Variants in CDH23 observed in about 807,000 individuals in gnomAD.
The protein encoded by CDH23 is cadherin-23.
Under a neutral mutation model 317.1 loss-of-function variants are expected in CDH23, and 189 were observed. The ratio of observed to expected loss-of-function variants is 0.60; its 90% CI spans 0.53 to 0.67. CDH23 has a LOEUF of 0.67. CDH23 is among the 30% of genes least tolerant of loss of function. CDH23 has a pLI of 0.00. For synonymous variants in CDH23, 1,839 were observed against 1,876.8 expected (o/e 0.98, Z 0.52); for missense variants, 4,401 against 4,592.4 (o/e 0.96, Z 1.20).
chr10:71,777,936 G>A (rs146680399), intron 39 of CDH23, 35 bp downstream of exon 39: 127 of 1,607,238 alleles, frequency 7.9e-5, no homozygotes, highest in East Asian at 1.8e-4. Context: ...GACAAGGGGC[G>A]AAACCTATCC....
chr10:71,402,868 G>A (rs1055617815), intron 1 of CDH23, among the ~76,000 whole-genome samples: 2 of 152,128 alleles, frequency 1.3e-5, no homozygotes, highest in African/African-American at 4.8e-5. Context: ...TGTAATCCCA[G>A]CACTTTGGGA....
At chr10:71,814,329 C>A (rs914356623) in intron 69 of CDH23, among the ~76,000 whole-genome samples, 2 of 152,256 alleles carry the variant, frequency 1.3e-5, no homozygotes, top group Admixed American at 6.5e-5. Context: ...ATGGGAGGAT[C>A]ACTTGAGCCC....
chr10:71,644,127 C>T (rs1256093914), intron 12 of CDH23, among the ~76,000 whole-genome samples: 1 of 152,276 alleles, frequency 6.6e-6, no homozygotes, highest in Admixed American at 6.5e-5. Context: ...ACGCATTCCA[C>T]ACCAGGGAGC....
At position 71,784,922 on chromosome 10, in the gene CDH23, A is replaced by G. The variant is rs1275390489; in HGVS notation, c.5534A>G (p.Asn1845Ser). Residue 1845 changes from asparagine to serine, a missense_variant, in exon 43 of 70, where the codon AAC becomes AGC. By Grantham distance (46) the Asn-to-Ser change is conservative (BLOSUM62 1). Transcript: ENST00000224721. ...MLVGIRVLDINDNDPVLLNLP... is the reference protein window; with the variant it reads ...MLVGIRVLDISDNDPVLLNLP... ...GTGGGGATCCGGGTGCTGGACATCA[A>G]CGACAACGACCCTGTGCTGCTGAAC... 6 of 1,613,834 alleles carry G rather than the reference A, an allele frequency of 3.7e-6. No homozygotes were observed. The highest frequency in any genetic ancestry group is 2.2e-5 in the East Asian group (1 of 44,880).
At chr10:71,497,548 C>T (rs374085656) in intron 3 of CDH23, among the ~76,000 whole-genome samples, 2 of 152,196 alleles carry the variant, frequency 1.3e-5, no homozygotes, top group Non-Finnish European at 2.9e-5. Flanking sequence ...GCTGCTGGCT[C>T]TGCGGTAGCT....
chr10:71,463,014 C>T (rs1212107612), intron 3 of CDH23, among the ~76,000 whole-genome samples: 1 of 152,222 alleles, frequency 6.6e-6, no homozygotes, highest in South Asian at 2.1e-4. Flanking sequence ...GCTGCATTTC[C>T]CCCGTCTAAA....
intron 1 of CDH23, among the ~76,000 whole-genome samples, chr10:71,436,834 G>A (rs540266556): frequency 1.7e-4 from 26 of 152,180 alleles, no homozygotes; most frequent in Non-Finnish European, 2.2e-4. Context: ...ATGGCAGAGG[G>A]CTGGAGTTTT....
At chr10:71,475,574 G>A (rs1851749462) in intron 3 of CDH23, among the ~76,000 whole-genome samples, 1 of 152,238 alleles carries the variant, frequency 6.6e-6, no homozygotes, top group African/African-American at 2.4e-5. Flanking sequence ...ATTAATGCCC[G>A]GTTCCCAAGG....
At chr10:71,806,416 G>A (rs992310262) in intron 57 of CDH23, 135 bp downstream of exon 57, 3 of 664,576 alleles carry the variant, frequency 4.5e-6, no homozygotes, top group African/African-American at 1.8e-5. Context: ...TGCACTTCAT[G>A]CAAGAACAAC....
intron 28 of CDH23, chr10:71,713,533 G>A (rs1037756402): frequency 1.4e-5 from 7 of 508,102 alleles, no homozygotes; most frequent in Admixed American, 1.1e-4. Context: ...TCCCTGCATC[G>A]GGACCAGGAG....
chr10:71,803,813 TGCA>T (rs1841629056), intron 55 of CDH23, among the ~76,000 whole-genome samples: 1 of 22,654 alleles, frequency 4.4e-5, no homozygotes, highest in Admixed American at 5.4e-4. Context: ...CTACTAAAAA[TGCA>T]AAAAAAAAAA....
intron 1 of CDH23, among the ~76,000 whole-genome samples, chr10:71,428,142 T>TCTTTC (rs55670161): frequency 6.5e-5 from 9 of 139,284 alleles, no homozygotes; most frequent in East Asian, 4.3e-4. Flanking sequence ...TTTCTTTCTT[T>TCTTTC]TTTTTTTTTT....
At chr10:71,410,553 A>G (rs1171555797) in intron 1 of CDH23, among the ~76,000 whole-genome samples, 1 of 152,224 alleles carries the variant, frequency 6.6e-6, no homozygotes, top group Non-Finnish European at 1.5e-5. Flanking sequence ...TACATGCAGA[A>G]AAGTGTGCAA....
intron 11 of CDH23, among the ~76,000 whole-genome samples, chr10:71,624,997 G>T (rs1861645801): frequency 6.6e-6 from 1 of 152,076 alleles, no homozygotes; most frequent in Admixed American, 6.6e-5. Flanking sequence ...GAGAAGATGA[G>T]CTTGAGTGAC....
Position 71,397,357 on chromosome 10 carries a change from C to T in CDH23, c.-6+39C>T, listed in dbSNP as rs1388524754. On this transcript the variant is annotated intron_variant, in intron 1 of 69. Coordinates refer to ENST00000224721, the MANE Select transcript of CDH23 (RefSeq NM_022124.6). This position sits in a 1 kb window ranked among gnomAD's most constrained non-coding sequence, Gnocchi z 4.8. ...CGCACCGCCTCTTCCCTCCTCGCTTCCCTCTCCTTCCCCTCGCCGTTCGCC... is the reference window on the plus strand; with the variant it reads ...CGCACCGCCTCTTCCCTCCTCGCTTTCCTCTCCTTCCCCTCGCCGTTCGCC... 6.5e-6 allele frequency: 1 copy of T among 152,774 alleles called. No homozygotes were observed. The highest frequency in any genetic ancestry group is 2.4e-5 in the African/African-American group (1 of 41,268). 9.5% of individuals were successfully genotyped at this position (152,774 alleles called of 1,614,324 possible).
chr10:71,536,010 G>T (rs117167974), intron 6 of CDH23, among the ~76,000 whole-genome samples: 4,696 of 152,322 alleles, frequency 0.031, 123 homozygotes, highest in Non-Finnish European at 0.051. Flanking sequence ...CCTCGGGGCT[G>T]GTTGCCCGAG....
At chr10:71,458,331 T>C (rs1319938906) in intron 3 of CDH23, among the ~76,000 whole-genome samples, 1 of 152,226 alleles carries the variant, frequency 6.6e-6, no homozygotes, top group Admixed American at 6.5e-5. Flanking sequence ...CTTCCCTTCC[T>C]CCTTTCCACA....
intron 9 of CDH23, among the ~76,000 whole-genome samples, chr10:71,586,864 C>T (rs1859105597): frequency 6.6e-6 from 1 of 152,244 alleles, no homozygotes; most frequent in African/African-American, 2.4e-5. Context: ...ATCCAAGACT[C>T]ATCCATGCTG....
chr10:71,700,731 G>A (rs1383770480), intron 22 of CDH23, among the ~76,000 whole-genome samples: 1 of 152,162 alleles, frequency 6.6e-6, no homozygotes, highest in Non-Finnish European at 1.5e-5. Flanking sequence ...CTCTGAAGGA[G>A]AAGCCTGCCT....
Sources: allele counts gnomAD v4.1 joint callset (sites outside exome capture counted in the v4.1 genomes callset), GRCh38; gene constraint gnomAD v4.1.1; non-coding constraint Gnocchi (gnomAD v3.1); transcripts MANE v1.5; gene names NCBI Gene and HGNC (gene_info 2026-07-23, HGNC 2026-07-21).